Variants in SNX29 observed in about 807,000 individuals in gnomAD.
SNX29 encodes the protein sorting nexin 29.
Under a neutral mutation model 102.1 loss-of-function variants are expected in SNX29, and 78 were observed. The ratio of observed to expected loss-of-function variants is 0.76; its 90% confidence interval spans 0.64 to 0.92. SNX29 has a LOEUF of 0.92. Ranked by LOEUF, SNX29 falls within the 40% of genes least tolerant of loss-of-function variation. SNX29 has a pLI of 0.00. For missense variants in SNX29, 1,280 were observed against 1,061.7 expected (o/e 1.21, Z -2.86); for synonymous variants, 580 against 414.5 (o/e 1.40, Z -4.85).
At chr16:12,150,836 C>T (rs566517639) in intron 13 of SNX29, among the ~76,000 whole-genome samples, 2 of 152,294 alleles carry the variant, frequency 1.3e-5, no homozygotes, top group African/African-American at 4.8e-5. Flanking sequence ...GGAAATTGCT[C>T]AGCCAGGCAA....
At chr16:12,547,686 C>T (rs371526513) in intron 20 of SNX29, among the ~76,000 whole-genome samples, 4 of 152,104 alleles carry the variant, frequency 2.6e-5, no homozygotes, top group African/African-American at 7.2e-5. Context: ...AAAACCTGGC[C>T]CCCGCGTTCC....
intron 4 of SNX29, among the ~76,000 whole-genome samples, chr16:12,040,611 A>T (rs150373832): frequency 0.022 from 3,336 of 152,304 alleles, 51 homozygotes; most frequent in Non-Finnish European, 0.034. Context: ...ATTTATGTAT[A>T]GGGGTGTTCT....
chr16:12,241,649 A>G (rs557443094), intron 14 of SNX29, among the ~76,000 whole-genome samples: 2 of 152,176 alleles, frequency 1.3e-5, no homozygotes, highest in South Asian at 4.2e-4. Context: ...TTTAGTAGAG[A>G]TGGGGTTTCA....
chr16:12,132,890 C>T (rs1490212280), intron 13 of SNX29, among the ~76,000 whole-genome samples: 1 of 152,234 alleles, frequency 6.6e-6, no homozygotes, highest in East Asian at 1.9e-4. Flanking sequence ...AATTCCATTG[C>T]TGACATGTTC....
At chr16:12,156,666 C>G (rs1031197383) in intron 13 of SNX29, among the ~76,000 whole-genome samples, 9 of 152,258 alleles carry the variant, frequency 5.9e-5, no homozygotes, top group Admixed American at 5.9e-4. Flanking sequence ...TTTTGTTTCT[C>G]TACCTCTATG....
chr16:12,084,316 T>G (rs1173351809), intron 11 of SNX29, among the ~76,000 whole-genome samples: 1 of 152,154 alleles, frequency 6.6e-6, no homozygotes, highest in African/African-American at 2.4e-5. Flanking sequence ...CAGCTAATTT[T>G]TGTACTTTTA....
intron 20 of SNX29, among the ~76,000 whole-genome samples, chr16:12,548,662 G>C (rs953759610): frequency 6.6e-6 from 1 of 152,210 alleles, no homozygotes; most frequent in Non-Finnish European, 1.5e-5. Flanking sequence ...TGTCAACTCA[G>C]CAAGAAGTGA....
At chr16:11,979,715 C>G (rs1471172463) in intron 1 of SNX29, among the ~76,000 whole-genome samples, 1 of 152,292 alleles carries the variant, frequency 6.6e-6, no homozygotes, top group Non-Finnish European at 1.5e-5. Flanking sequence ...TCCCAAGTAG[C>G]TGGGACTATA....
chr16:12,562,190 T>C (rs888545029), intron 20 of SNX29, among the ~76,000 whole-genome samples: 3 of 151,794 alleles, frequency 2.0e-5, no homozygotes, highest in Non-Finnish European at 4.4e-5. Flanking sequence ...GAGCATAGGG[T>C]TCACAGAGGA....
chr16:12,152,105 C>G (rs562011895), intron 13 of SNX29, among the ~76,000 whole-genome samples: 4 of 151,982 alleles, frequency 2.6e-5, no homozygotes, highest in African/African-American at 7.2e-5. Context: ...CCTGTAGTCA[C>G]GGCTACTTTG....
intron 19 of SNX29, among the ~76,000 whole-genome samples, chr16:12,493,390 C>A (rs1159118007): frequency 6.6e-6 from 1 of 152,102 alleles, no homozygotes; most frequent in Non-Finnish European, 1.5e-5. Flanking sequence ...GATTTTGTAT[C>A]CTGAGACTTT....
chr16:12,427,638 G>A (rs911556399), intron 18 of SNX29, among the ~76,000 whole-genome samples: 3 of 152,220 alleles, frequency 2.0e-5, no homozygotes, highest in African/African-American at 7.2e-5. Context: ...ATGCTTGGAG[G>A]TTAATAAAAC....
intron 20 of SNX29, chr16:12,556,302 G>C (rs1180190534): frequency 6.6e-6 from 1 of 152,160 alleles, no homozygotes; most frequent in Admixed American, 6.5e-5. Flanking sequence ...AGCGGGCATT[G>C]GTCTGCTATA....
chr16:12,263,121 C>T (rs12921908), intron 14 of SNX29, among the ~76,000 whole-genome samples: 4,198 of 150,700 alleles, frequency 0.028, 73 homozygotes, highest in Middle Eastern at 0.045. Flanking sequence ...TCTTCTTGGA[C>T]TGTTGTCCAC....
intron 20 of SNX29, among the ~76,000 whole-genome samples, chr16:12,565,271 C>T (rs974646358): frequency 6.6e-6 from 1 of 152,190 alleles, no homozygotes; most frequent in Non-Finnish European, 1.5e-5. Context: ...AGAGGTTCAG[C>T]CTCACATACG....
At chr16:12,526,632 G>C (rs769191037) in intron 20 of SNX29, 1 of 528,986 alleles carries the variant, frequency 1.9e-6, no homozygotes, top group Non-Finnish European at 3.7e-6. Flanking sequence ...CCATGGCCCA[G>C]GGTGCACGGG....
rs147658453 is a variant in SNX29 at position 12,442,377 on chromosome 16, T to G, written c.2038-35342T>G. 3.7e-3 allele frequency among the ~76,000 whole-genome samples: 566 copies of G among 152,326 alleles called. 6 individuals carry two copies. The highest frequency in any genetic ancestry group is 6.4e-3 in the Non-Finnish European group (437 of 68,018). On this transcript the variant is annotated intron_variant, in intron 18 of 20. Coordinates refer to ENST00000566228, the MANE Select transcript of SNX29 (RefSeq NM_032167.5). The stretch of plus-strand genomic sequence containing the variant: ...GTCTATTCACTCTCCTAACCCTGTT[T>G]CTTCTTTTCTCTCTTCTTCCCTTCT...
At chr16:12,120,790 C>G (rs944585711) in intron 11 of SNX29, among the ~76,000 whole-genome samples, 2 of 152,114 alleles carry the variant, frequency 1.3e-5, no homozygotes, top group Non-Finnish European at 2.9e-5. Context: ...TAGGCTCGTC[C>G]TGTTTGAGGT....
chr16:12,569,012 GCAGA>G lies in SNX29; in HGVS notation c.*384_*387del. On this transcript the variant is annotated 3_prime_UTR_variant, in exon 21 of 21. Coordinates refer to ENST00000566228, the MANE Select transcript of SNX29 (RefSeq NM_032167.5). ...TGATCCCCTATATAGGAAGGTTCAT[GCAGA>G]GCCAGCCTCTCCACTCTTTCCCACG... The G allele has an allele frequency of 3.8e-6, 1 of 262,350 alleles. No individual in the cohort carries two copies. The highest frequency in any genetic ancestry group is 5.9e-5 in the East Asian group (1 of 16,976). 16.3% of individuals were successfully genotyped at this position (262,350 alleles called of 1,614,324 possible). A position where few individuals can be genotyped will look rare whatever the true frequency, so the allele number is the denominator to read the frequency against.
Sources: gnomAD v4.1 joint callset for allele counts (sites outside exome capture counted in the v4.1 genomes callset) on GRCh38, gnomAD v4.1.1 for gene constraint, MANE v1.5 for transcripts, NCBI Gene and HGNC (gene_info 2026-07-23, HGNC 2026-07-21) for gene names.